The following ATP2B4 variants were observed in gnomAD, a reference collection of about 807,000 sequenced individuals.
ATP2B4 encodes plasma membrane calcium-transporting ATPase 4.
A neutral mutation model predicts 110.3 loss-of-function variants in ATP2B4; 39 were observed. That is an observed-to-expected ratio of 0.35 (90% confidence interval 0.27 to 0.46). ATP2B4 has a LOEUF of 0.46. Ranked by LOEUF, ATP2B4 falls within the 20% of genes least tolerant of loss-of-function variation. The pLI is 1.00. For synonymous variants in ATP2B4, 538 were observed against 571.7 expected (o/e 0.94, Z 0.84); for missense variants, 1,135 against 1,530.9 (o/e 0.74, Z 4.32).
chr1:203,679,012 T>A (rs1199255610), intron 1 of ATP2B4, among the ~76,000 whole-genome samples: 4 of 152,128 alleles, frequency 2.6e-5, no homozygotes, highest in Non-Finnish European at 4.4e-5. Context: ...AGCATTATGA[T>A]TTCTTGCCCT....
At chr1:203,668,270 C>G (rs1664566160) in intron 1 of ATP2B4, among the ~76,000 whole-genome samples, 1 of 152,102 alleles carries the variant, frequency 6.6e-6, no homozygotes, top group Non-Finnish European at 1.5e-5. Flanking sequence ...TTTGGGAACC[C>G]TGAAAGGAGC....
Position 203,736,472 on chromosome 1 carries a change from CAAAA to C in ATP2B4, c.3310-3065_3310-3062del, listed in dbSNP as rs71566126. Reference sequence around the variant, plus strand: ...AACAAGAGTGAAACTCCATCCCCCCCAAAAAAAAAAAAGCAGAAAACTACAGAAT... The same window carrying C: ...AACAAGAGTGAAACTCCATCCCCCCCAAAAAAAAGCAGAAAACTACAGAAT... On this transcript the variant is annotated intron_variant, in intron 20 of 20. Coordinates refer to ENST00000357681, the MANE Select transcript of ATP2B4 (RefSeq NM_001684.5). 2.2e-3 allele frequency among the ~76,000 whole-genome samples: 310 copies of C among 143,194 alleles called. 1 individual carries two copies. Among genetic ancestry groups the C allele is most frequent in the African/African-American group, 6.8e-3 (266 of 38,936 alleles). The allele number at this position is 143,194 out of a possible 152,430, so 93.9% of individuals were successfully genotyped here. A position where few individuals can be genotyped will look rare whatever the true frequency, so the allele number is the denominator to read the frequency against.
intron 2 of ATP2B4, among the ~76,000 whole-genome samples, chr1:203,689,985 C>A (rs911090392): frequency 1.3e-5 from 2 of 152,202 alleles, no homozygotes; most frequent in South Asian, 4.1e-4. Flanking sequence ...ATATTCCTGG[C>A]ATAAGATGCC....
At chr1:203,668,859 T>C (rs959768549) in intron 1 of ATP2B4, among the ~76,000 whole-genome samples, 3 of 151,930 alleles carry the variant, frequency 2.0e-5, no homozygotes, top group Non-Finnish European at 2.9e-5. Flanking sequence ...ATGAGAGAGA[T>C]TGAGAGATTG....
At chr1:203,648,142 C>T (rs1289758331) in intron 1 of ATP2B4, among the ~76,000 whole-genome samples, 2 of 152,134 alleles carry the variant, frequency 1.3e-5, no homozygotes, top group Non-Finnish European at 2.9e-5. Context: ...GAGGCTGGCT[C>T]CTGCTGGTGA....
At chr1:203,664,896 A>G (rs917809715) in intron 1 of ATP2B4, among the ~76,000 whole-genome samples, 3 of 152,078 alleles carry the variant, frequency 2.0e-5, no homozygotes, top group African/African-American at 7.2e-5. Flanking sequence ...CAGTGGCGCG[A>G]TCTTGGCTCA....
At chr1:203,733,097 C>A in intron 20 of ATP2B4, 1 of 855,200 alleles carries the variant, frequency 1.2e-6, no homozygotes, top group Non-Finnish European at 1.7e-6. Context: ...TTGCTCTCTC[C>A]TGTCCCCTTT....
chr1:203,636,003 T>C (rs1421504203), intron 1 of ATP2B4, among the ~76,000 whole-genome samples: 1 of 151,428 alleles, frequency 6.6e-6, no homozygotes, highest in African/African-American at 2.4e-5. Flanking sequence ...CAAAGGGAGG[T>C]AGGATGACAG....
rs1464535313 is a variant in ATP2B4 at position 203,742,298 on chromosome 1, AT to A, written c.*2445del. 1 of 152,666 alleles carries A rather than the reference AT, an allele frequency of 6.6e-6. No individual in the cohort carries two copies. The highest frequency in any genetic ancestry group is 2.4e-5 in the African/African-American group (1 of 41,466). The allele number at this position is 152,666 out of a possible 1,614,324, so 9.5% of individuals were successfully genotyped here. Reference sequence around the variant, plus strand: ...CCATACTTTCTTTCTGCAAACAGCCATCTTTATACTTAGGGAAGAAAAATTG... The same window carrying A: ...CCATACTTTCTTTCTGCAAACAGCCACTTTATACTTAGGGAAGAAAAATTG... On this transcript the variant is annotated 3_prime_UTR_variant, in exon 21 of 21. Coordinates refer to ENST00000357681, the MANE Select transcript of ATP2B4 (RefSeq NM_001684.5).
At chr1:203,641,413 A>C (rs904755185) in intron 1 of ATP2B4, among the ~76,000 whole-genome samples, 9 of 152,178 alleles carry the variant, frequency 5.9e-5, no homozygotes, top group Non-Finnish European at 1.3e-4. Flanking sequence ...AGACATTTCT[A>C]GAGGGAAAAT....
chr1:203,732,401 A>G (rs541210748), intron 20 of ATP2B4, among the ~76,000 whole-genome samples: 5 of 152,186 alleles, frequency 3.3e-5, no homozygotes, highest in Non-Finnish European at 7.4e-5. Context: ...AGCATTCTCG[A>G]TAGTGGGCTT....
rs1667009602 is a variant in ATP2B4 at position 203,742,223 on chromosome 1, G to A, written c.*2369G>A. On this transcript the variant is annotated 3_prime_UTR_variant, in exon 21 of 21. Coordinates refer to ENST00000357681, the MANE Select transcript of ATP2B4 (RefSeq NM_001684.5). ...GAAGGGAGCACATAACCAGCTGTTT[G>A]GCATGACAGGTGACTTAGTATATTT... 4 of 152,572 alleles carry A rather than the reference G, an allele frequency of 2.6e-5. No individual in the cohort carries two copies. The South Asian group carries it at 8.3e-4, about 32-fold the overall frequency. The allele number at this position is 152,572 out of a possible 1,614,324, so 9.5% of individuals were successfully genotyped here.
chr1:203,739,422 A>G (rs199735398), intron 20 of ATP2B4, 124 bp from the exon 21 acceptor site: 1 of 945,744 alleles, frequency 1.1e-6, no homozygotes, highest in Non-Finnish European at 1.6e-6. Context: ...TTTGGTTTTG[A>G]TGCTGAGCAG....
intron 20 of ATP2B4, among the ~76,000 whole-genome samples, chr1:203,732,140 C>T (rs1666742710): frequency 1.4e-5 from 2 of 145,770 alleles, no homozygotes; most frequent in South Asian, 4.3e-4. Context: ...TCGCACCTTG[C>T]ACTCCAGCCT....
At chr1:203,627,433 T>G (rs1306547499) in intron 1 of ATP2B4, among the ~76,000 whole-genome samples, 2 of 151,990 alleles carry the variant, frequency 1.3e-5, no homozygotes, top group Non-Finnish European at 2.9e-5. Flanking sequence ...GTCGAACAAG[T>G]GATTTATCTC....
Position 203,686,685 on chromosome 1 carries a change from C to CTTTTTTTTTTTTTTTTTTTTTTTTTTTTT in ATP2B4, c.193+3313_193+3314insTTTTTTTTTTTTTTTTTTTTTTTTTTTTT, listed in dbSNP as rs779048789. Among the ~76,000 whole-genome samples, 42 of 42,782 alleles carry CTTTTTTTTTTTTTTTTTTTTTTTTTTTTT rather than the reference C, an allele frequency of 9.8e-4. 5 individuals carry two copies. Among genetic ancestry groups the CTTTTTTTTTTTTTTTTTTTTTTTTTTTTT allele is most frequent in the East Asian group, 8.7e-3 (4 of 462 alleles). 28.1% of individuals were successfully genotyped at this position (42,782 alleles called of 152,430 possible). On this transcript the variant is annotated intron_variant, in intron 2 of 20. Coordinates refer to ENST00000357681, the MANE Select transcript of ATP2B4 (RefSeq NM_001684.5). ...CCTGGTGTTTTTCTTTCTTTTCTTT[C>CTTTTTTTTTTTTTTTTTTTTTTTTTTTTT]TTTTTTTTTTTTTTTTTTTTTTTTT... is the stretch of plus-strand genomic sequence containing the variant.
chr1:203,697,848 G>A (rs1434138149), intron 2 of ATP2B4, among the ~76,000 whole-genome samples: 1 of 151,888 alleles, frequency 6.6e-6, no homozygotes, highest in Admixed American at 6.6e-5. Flanking sequence ...GTGACTACAG[G>A]TGCACCACAT....
chr1:203,727,718 G>C, intron 20 of ATP2B4, 147 bp downstream of exon 20: 1 of 958,424 alleles, frequency 1.0e-6, no homozygotes, highest in Non-Finnish European at 1.5e-6. Flanking sequence ...TCAGCTTCAG[G>C]ACAGACACGC....
At position 203,629,825 on chromosome 1, in the gene ATP2B4, C is replaced by T. The variant is rs145294549; in HGVS notation, c.-465+2606C>T. ...CAAGGTCAAGTCAAAGGAGCACAGC[C>T]CGTCTTACCCCTGGGACTCCCAGCG... On this transcript the variant is annotated intron_variant, in intron 1 of 20. Coordinates refer to ENST00000357681, the MANE Select transcript of ATP2B4 (RefSeq NM_001684.5). The surrounding 1 kb of genome is among the most constrained non-coding windows in gnomAD (Gnocchi z 4.6). Among the ~76,000 whole-genome samples, 118 of 152,316 alleles carry T rather than the reference C, an allele frequency of 7.7e-4. 1 individual carries two copies. The highest frequency in any genetic ancestry group is 2.6e-3 in the African/African-American group (108 of 41,576).
Sources: allele counts gnomAD v4.1 joint callset (sites outside exome capture counted in the v4.1 genomes callset), GRCh38; gene constraint gnomAD v4.1.1; non-coding constraint Gnocchi (gnomAD v3.1); transcripts MANE v1.5; gene names NCBI Gene and HGNC (gene_info 2026-07-23, HGNC 2026-07-21).